C11orf65: variants seen among roughly 807,000 people sequenced by gnomAD.
The protein encoded by C11orf65 is chromosome 11 open reading frame 65.
In C11orf65, 38 loss-of-function variants were observed where a neutral mutation model predicts 35.3. The observed-to-expected ratio is 1.08, with a 90% CI of 0.83 to 1.41. The LOEUF (loss-of-function observed/expected upper bound fraction) is 1.41, where lower values mean the gene tolerates loss of function less well. Among genes scored for constraint, C11orf65 ranks in the 40% most tolerant of loss-of-function variants. C11orf65 has a pLI of 0.00. For missense variants in C11orf65, 370 were observed against 367.1 expected, an observed-to-expected ratio of 1.01 and a Z score of -0.06; for synonymous variants, 105 against 114.4, an observed-to-expected ratio of 0.92 and a Z score of 0.53.
chr11:108,346,947 T>C (rs1415110130), intron 2 of C11orf65, among the ~76,000 whole-genome samples: 1 of 152,206 alleles, frequency 6.6e-6, no homozygotes, highest in South Asian at 2.1e-4. Flanking sequence ...TGAGTACATA[T>C]AATGCACAGC....
intron 2 of C11orf65, 36 bp downstream of exon 2, chr11:108,461,440 TAAA>T: frequency 6.8e-7 from 1 of 1,461,802 alleles, no homozygotes; most frequent in Non-Finnish European, 9.5e-7. Context: ...TTTTATGACA[TAAA>T]AATTATATTT....
rs1064794485 is a variant in C11orf65, at chr11:108,325,382, T to G, written c.641-16311A>C. ...AACACTCCCAGCTTCTCAAGGACAG[T>G]GATTTTAGTTTTCAGGAGCCTATCA... On this transcript the variant is annotated intron_variant, in intron 6 of 6. Coordinates refer to the C11orf65 transcript ENST00000525729. 4.3e-6 allele frequency: 7 copies of G among 1,613,534 alleles called. No homozygotes were observed. Among genetic ancestry groups the G allele is most frequent in the Non-Finnish European group, 5.9e-6 (7 of 1,179,858 alleles).
downstream of C11orf65, chr11:108,331,330 T>A: frequency 5.4e-6 from 8 of 1,470,554 alleles, no homozygotes; most frequent in South Asian, 1.1e-4. Context: ...AGTGAAGTTT[T>A]GTTAACCACT....
intron 2 of C11orf65, among the ~76,000 whole-genome samples, chr11:108,449,035 T>C (rs1299452918): frequency 2.0e-5 from 3 of 152,258 alleles, no homozygotes; most frequent in South Asian, 2.1e-4. Flanking sequence ...CCATTCACAA[T>C]TGCTTCAAAG....
intron 2 of C11orf65, among the ~76,000 whole-genome samples, chr11:108,443,122 A>T (rs1031832554): frequency 6.6e-6 from 1 of 152,198 alleles, no homozygotes; most frequent in African/African-American, 2.4e-5. Context: ...GGATGGAGGA[A>T]GATCTAACAA....
At chr11:108,383,812 C>T (rs559326083) in intron 8 of C11orf65, among the ~76,000 whole-genome samples, 30 of 151,874 alleles carry the variant, frequency 2.0e-4, no homozygotes, top group South Asian at 2.1e-4. Context: ...CAACTACCAT[C>T]CTATATCTTT....
intron 3 of C11orf65, among the ~76,000 whole-genome samples, chr11:108,429,346 G>T (rs1313953381): frequency 6.6e-6 from 1 of 152,136 alleles, no homozygotes; most frequent in Non-Finnish European, 1.5e-5. Flanking sequence ...AACTGTTGAA[G>T]CTAGATGATG....
chr11:108,407,272 G>A, intron 3 of C11orf65, 123 bp from the exon 4 acceptor site: 1 of 744,562 alleles, frequency 1.3e-6, no homozygotes, highest in Non-Finnish European at 2.0e-6. Flanking sequence ...AATCAGTCAG[G>A]TGAACCAACC....
At chr11:108,454,288 T>C (rs948283375) in intron 2 of C11orf65, among the ~76,000 whole-genome samples, 1 of 151,520 alleles carries the variant, frequency 6.6e-6, no homozygotes, top group Non-Finnish European at 1.5e-5. Context: ...TCTGATTTTA[T>C]TTATTTGAGT....
chr11:108,393,729 CTT>C (rs2092228096), intron 6 of C11orf65, among the ~76,000 whole-genome samples: 1 of 151,914 alleles, frequency 6.6e-6, no homozygotes, highest in Non-Finnish European at 1.5e-5. Context: ...GGAAATAAAT[CTT>C]TGAGGAGTTA....
intron 2 of C11orf65, chr11:108,365,287 T>C (rs2137897830): frequency 6.2e-7 from 1 of 1,614,216 alleles, no homozygotes; most frequent in Non-Finnish European, 8.5e-7. Context: ...GCCTTTAAAC[T>C]GTTCACCTCA....
At chr11:108,396,959 G>A (rs2092326016) in intron 6 of C11orf65, among the ~76,000 whole-genome samples, 1 of 151,826 alleles carries the variant, frequency 6.6e-6, no homozygotes, top group Non-Finnish European at 1.5e-5. Context: ...TTCAAATATA[G>A]TGATCAGAAA....
intron 3 of C11orf65, among the ~76,000 whole-genome samples, chr11:108,411,253 A>C (rs573479675): frequency 2.8e-4 from 42 of 152,184 alleles, no homozygotes; most frequent in Middle Eastern, 3.4e-3. Context: ...TCATGTGCTT[A>C]ATTTGCAAAA....
At position 108,467,464 on chromosome 11, in the gene C11orf65, CACCTACCA is replaced by C. The variant is rs940972620; in HGVS notation, c.-11_-10+6del. ...CTGAGAGAAGGGACACTATTCCCTT[CACCTACCA>C]ATCGCTGCTGGCCCGGGCGCCGCTG... On this transcript the variant is annotated splice_donor_variant and splice_donor_5th_base_variant and 5_prime_UTR_variant and intron_variant, in exon 1 of 9. Coordinates refer to ENST00000393084, the MANE Select transcript of C11orf65 (RefSeq NM_152587.5). LOFTEE classifies it low-confidence loss of function (5UTR_SPLICE). 1 of 152,390 alleles carries C rather than the reference CACCTACCA, an allele frequency of 6.6e-6. No homozygotes were observed. The highest frequency in any genetic ancestry group is 2.4e-5 in the African/African-American group (1 of 41,434). 9.4% of individuals were successfully genotyped at this position (152,390 alleles called of 1,614,324 possible).
At chr11:108,446,903 A>G (rs1156293444) in intron 2 of C11orf65, among the ~76,000 whole-genome samples, 2 of 152,172 alleles carry the variant, frequency 1.3e-5, no homozygotes, top group Non-Finnish European at 2.9e-5. Context: ...ATGTGCAGAG[A>G]CACACATAGG....
intron 2 of C11orf65, among the ~76,000 whole-genome samples, chr11:108,358,093 T>C (rs1251035048): frequency 1.3e-5 from 2 of 150,048 alleles, no homozygotes; most frequent in Non-Finnish European, 3.0e-5. Context: ...TACAGAGAAG[T>C]GCTTAAAGGA....
intron 7 of C11orf65, among the ~76,000 whole-genome samples, chr11:108,386,503 G>A (rs1032462052): frequency 6.6e-6 from 1 of 152,122 alleles, no homozygotes; most frequent in South Asian, 2.1e-4. Flanking sequence ...ATTTAGGTAT[G>A]GCAAATGCAG....
At chr11:108,364,095 A>T (rs993162792) in intron 2 of C11orf65, among the ~76,000 whole-genome samples, 4 of 152,172 alleles carry the variant, frequency 2.6e-5, no homozygotes, top group Non-Finnish European at 4.4e-5. Context: ...TCAAAACAGC[A>T]TTAAAAAATA....
rs1565567541 is a variant in C11orf65, at chr11:108,347,365, G to C, written c.227-12073C>G. ...AGCAGAACTTGTACATATAGATCTA[G>C]GTAAGTAATAAAATCTATGTATCTA... On this transcript the variant is annotated intron_variant, in intron 2 of 3. Transcript: ENST00000524755. 6.3e-7 allele frequency: 1 copy of C among 1,583,310 alleles called. No individual in the cohort carries two copies. The highest frequency in any genetic ancestry group is 8.7e-7 in the Non-Finnish European group (1 of 1,152,574).
Sources: allele counts gnomAD v4.1 joint callset (sites outside exome capture counted in the v4.1 genomes callset), GRCh38; gene constraint gnomAD v4.1.1; transcripts MANE v1.5; gene names NCBI Gene and HGNC (gene_info 2026-07-23, HGNC 2026-07-21).